Variants in SCFD2 observed in about 807,000 individuals in gnomAD.
The protein encoded by SCFD2 is sec1 family domain containing 2.
In SCFD2, 54 loss-of-function variants were observed where a neutral mutation model predicts 58.9. That is an observed-to-expected ratio of 0.92 (90% CI 0.74 to 1.15). The LOEUF (loss-of-function observed/expected upper bound fraction) is 1.15, where lower values mean the gene tolerates loss of function less well. Among genes scored for constraint, SCFD2 ranks in the 50% most tolerant of loss-of-function variants. The pLI is 0.00. For missense variants in SCFD2, 805 were observed against 836.6 expected (o/e 0.96, Z 0.47); for synonymous variants, 321 against 335.9 (o/e 0.96, Z 0.49).
chr4:53,294,829 A>G (rs1050647262), intron 3 of SCFD2, among the ~76,000 whole-genome samples: 2 of 152,156 alleles, frequency 1.3e-5, no homozygotes, highest in Non-Finnish European at 2.9e-5. Flanking sequence ...GGTGTAAGGA[A>G]GGAATCCAGT....
chr4:53,045,026 T>C (rs1455926255), intron 5 of SCFD2, among the ~76,000 whole-genome samples: 1 of 148,910 alleles, frequency 6.7e-6, no homozygotes, highest in Non-Finnish European at 1.5e-5. Flanking sequence ...CAATAGAAAA[T>C]TCAACTAACA....
chr4:53,046,744 T>G (rs905080263), intron 5 of SCFD2, among the ~76,000 whole-genome samples: 8 of 152,066 alleles, frequency 5.3e-5, no homozygotes, highest in African/African-American at 1.7e-4. Context: ...CTCGGCTCAC[T>G]GCAACTTCCA....
chr4:52,960,954 T>C lies in SCFD2; in HGVS notation c.1562-40084A>G, dbSNP rs145256094. 5.4e-3 allele frequency among the ~76,000 whole-genome samples: 817 copies of C among 152,264 alleles called. 9 individuals carry two copies. The highest frequency in any genetic ancestry group is 0.046 in the South Asian group (223 of 4,816). On this transcript the variant is annotated intron_variant, in intron 5 of 8. Transcript: ENST00000401642. The stretch of plus-strand genomic sequence containing the variant: ...GTATCGTAGGAGTTCATGGTCATTG[T>C]GAGTAGTCTGGCTACAAAATGGCCT...
At chr4:53,327,845 T>G (rs778034754) in intron 2 of SCFD2, among the ~76,000 whole-genome samples, 3 of 152,178 alleles carry the variant, frequency 2.0e-5, no homozygotes, top group Non-Finnish European at 4.4e-5. Flanking sequence ...TATACAGAGA[T>G]TAGCATAGAA....
chr4:53,197,578 A>G (rs1728096343), intron 4 of SCFD2, among the ~76,000 whole-genome samples: 1 of 152,112 alleles, frequency 6.6e-6, no homozygotes, highest in Non-Finnish European at 1.5e-5. Context: ...AACAATAGAA[A>G]AAGCAAATGC....
chr4:52,973,967 C>G (rs970082003), intron 5 of SCFD2, among the ~76,000 whole-genome samples: 3 of 152,196 alleles, frequency 2.0e-5, no homozygotes, highest in African/African-American at 7.2e-5. Flanking sequence ...CAAAATTCAA[C>G]AACCCTTCAT....
chr4:53,267,300 A>C (rs1470826988), intron 4 of SCFD2, among the ~76,000 whole-genome samples: 5 of 152,188 alleles, frequency 3.3e-5, no homozygotes, highest in Non-Finnish European at 5.9e-5. Context: ...AAATAAACAC[A>C]AATGCCCTAC....
intron 4 of SCFD2, among the ~76,000 whole-genome samples, chr4:53,236,829 T>C (rs903023611): frequency 7.1e-6 from 1 of 140,044 alleles, no homozygotes; most frequent in Admixed American, 7.0e-5. Flanking sequence ...TATTTATTTA[T>C]TTATTTATTT....
At chr4:53,309,116 G>C (rs1732607308) in intron 3 of SCFD2, among the ~76,000 whole-genome samples, 2 of 150,780 alleles carry the variant, frequency 1.3e-5, no homozygotes, top group African/African-American at 4.9e-5. Flanking sequence ...CTGGGCGACA[G>C]AGCAAGACTT....
rs1553880149 is a variant in SCFD2, at chr4:53,140,392, A to AATATATATATATAT, written c.1561+4927_1561+4940dup. On this transcript the variant is annotated intron_variant, in intron 5 of 8. Coordinates refer to ENST00000401642, the MANE Select transcript of SCFD2 (RefSeq NM_152540.4). The stretch of plus-strand genomic sequence containing the variant: ...AAATAAAAAGAACACCAAAAATGCT[A>AATATATATATATAT]ATATATATATATATATATATAAATT... 1.2e-4 allele frequency among the ~76,000 whole-genome samples: 12 copies of AATATATATATATAT among 97,498 alleles called. 1 individual carries two copies. In the East Asian group the frequency reaches 2.0e-3, roughly 17 times the overall value. The allele number at this position is 97,498 out of a possible 152,430, so 64.0% of individuals were successfully genotyped here.
At chr4:53,061,707 C>T (rs758265234) in intron 5 of SCFD2, among the ~76,000 whole-genome samples, 1 of 152,066 alleles carries the variant, frequency 6.6e-6, no homozygotes, top group Non-Finnish European at 1.5e-5. Context: ...ATGTGTGAAG[C>T]GCTTCAGGGC....
At chr4:53,010,700 A>G (rs1348367903) in intron 5 of SCFD2, among the ~76,000 whole-genome samples, 1 of 152,208 alleles carries the variant, frequency 6.6e-6, no homozygotes, top group African/African-American at 2.4e-5. Context: ...GAAGAGAAAC[A>G]TCTTAGGTAT....
chr4:53,188,539 T>A (rs1251895904), intron 4 of SCFD2, among the ~76,000 whole-genome samples: 1 of 151,892 alleles, frequency 6.6e-6, no homozygotes, highest in African/African-American at 2.4e-5. Context: ...AATACAAATA[T>A]ATTTAGCCCC....
chr4:53,036,505 A>G (rs1343116913), intron 5 of SCFD2, among the ~76,000 whole-genome samples: 1 of 151,670 alleles, frequency 6.6e-6, no homozygotes, highest in African/African-American at 2.4e-5. Context: ...CTGGAATACT[A>G]TGCATCCATA....
At chr4:53,332,252 C>T (rs1165443517) in intron 2 of SCFD2, among the ~76,000 whole-genome samples, 1 of 151,332 alleles carries the variant, frequency 6.6e-6, no homozygotes. Flanking sequence ...TTTTATGAGG[C>T]CAGCATCATT....
chr4:53,324,831 T>C (rs1733136366), intron 2 of SCFD2, among the ~76,000 whole-genome samples: 1 of 152,196 alleles, frequency 6.6e-6, no homozygotes, highest in African/African-American at 2.4e-5. Context: ...ATTCCCTGAC[T>C]AGTTGTTTGC....
At chr4:53,035,679 AC>A (rs765525242) in intron 5 of SCFD2, among the ~76,000 whole-genome samples, 3 of 152,258 alleles carry the variant, frequency 2.0e-5, no homozygotes, top group African/African-American at 4.8e-5. Flanking sequence ...ATGAACAGAC[AC>A]TTCTCAAAAG....
chr4:53,153,760 T>C (rs1200257893), intron 4 of SCFD2, among the ~76,000 whole-genome samples: 1 of 152,230 alleles, frequency 6.6e-6, no homozygotes, highest in Non-Finnish European at 1.5e-5. Context: ...GCTTCCCTTT[T>C]AAATATCAAT....
At chr4:53,024,717 T>TTG (rs1722429337) in intron 5 of SCFD2, among the ~76,000 whole-genome samples, 1 of 151,560 alleles carries the variant, frequency 6.6e-6, no homozygotes, top group Non-Finnish European at 1.5e-5. Context: ...TTTTTTTTTT[T>TTG]GCCTTCAGCC....
Sources: allele counts gnomAD v4.1 joint callset (sites outside exome capture counted in the v4.1 genomes callset), GRCh38; gene constraint gnomAD v4.1.1; transcripts MANE v1.5; gene names NCBI Gene and HGNC (gene_info 2026-07-23, HGNC 2026-07-21).